Variants in SELENOT observed in about 807,000 individuals in gnomAD.
The protein encoded by SELENOT is selenoprotein T.
In SELENOT, 9 loss-of-function variants were observed where a neutral mutation model predicts 24.3. The observed-to-expected ratio is 0.37, with a 90% CI of 0.22 to 0.65. The LOEUF (loss-of-function observed/expected upper bound fraction) is 0.65, where lower values mean the gene tolerates loss of function less well. SELENOT is among the 30% of genes least tolerant of loss of function. The probability of loss-of-function intolerance (pLI) is 0.60; values close to 1 mark genes in which losing one functional copy is unlikely to be tolerated. For synonymous variants in SELENOT, 81 were observed against 86.0 expected (o/e 0.94, Z 0.32); for missense variants, 166 against 247.6 (o/e 0.67, Z 2.21).
In SELENOT at chr3:150,623,072, A is replaced by G. The variant is rs111972227; in HGVS notation, c.278A>G (p.Lys93Arg). The G allele has an allele frequency of 6.3e-7, 1 of 1,590,198 alleles. No individual in the cohort carries two copies. The highest frequency in any genetic ancestry group is 8.6e-7 in the Non-Finnish European group (1 of 1,169,570). The change falls in exon 3 of 6, where the codon AAA (lysine) becomes AGA (arginine). Residue 93 changes from lysine (K) to arginine (R), a missense_variant. By Grantham distance (26) the Lys-to-Arg change is conservative. This residue lies in a region of SELENOT where 71 missense variants were observed against 89.2 expected (regional missense o/e 0.80). Transcript: ENST00000471696. ...ATAGCATCTTTCCTGTCAGTCTTCA[A>G]ACTAGTATTAATAGGCTTAATAATT... ...RHIASFLSVF[K>R]LVLIGLIIVG... is the part of the protein sequence containing the mutation.
chr3:150,623,926 T>A (rs1726388689), intron 3 of SELENOT, among the ~76,000 whole-genome samples: 1 of 152,116 alleles, frequency 6.6e-6, no homozygotes, highest in South Asian at 2.1e-4. Context: ...GAGTCTTCTA[T>A]CTGATCTTGT....
rs532403378 is a variant in SELENOT at position 150,624,987 on chromosome 3, T to A, written c.463+88T>A. On this transcript the variant is annotated intron_variant, in intron 4 of 5. Transcript: ENST00000471696. ...TTTTATCTTTTATAATAAGATAAAC[T>A]TCTTTAGTGTTTGTATAAAAGTAAG... is the stretch of plus-strand genomic sequence containing the variant. 2.2e-5 allele frequency: 13 copies of A among 583,436 alleles called. No individual in the cohort carries two copies. The African/African-American group carries it at 2.3e-4, about 10-fold the overall frequency. The allele number at this position is 583,436 out of a possible 1,614,324, so 36.1% of individuals were successfully genotyped here.
At chr3:150,603,659 G>A in intron 1 of SELENOT, 160 bp downstream of exon 1, 1 of 802,402 alleles carries the variant, frequency 1.2e-6, no homozygotes, top group Non-Finnish European at 1.9e-6. Context: ...CGGCCCCTTA[G>A]CGCGGTCAGG....
chr3:150,620,839 A>C (rs1726326566), intron 1 of SELENOT, among the ~76,000 whole-genome samples: 6 of 152,238 alleles, frequency 3.9e-5, no homozygotes, highest in Admixed American at 3.9e-4. Flanking sequence ...GTAAAACAAA[A>C]GCAATATTAA....
Position 150,605,131 on chromosome 3 carries a change from C to T in SELENOT, c.137+1632C>T, listed in dbSNP as rs533482026. The stretch of plus-strand genomic sequence containing the variant: ...ACTGCAAATGGGAGAATGGTTTATC[C>T]ATTAACTTTTTTCCTTAATTTTTAA... On this transcript the variant is annotated intron_variant, in intron 1 of 5. Coordinates refer to ENST00000471696, the MANE Select transcript of SELENOT (RefSeq NM_016275.5). 1.8e-4 allele frequency among the ~76,000 whole-genome samples: 27 copies of T among 151,652 alleles called. No homozygotes were observed. In the South Asian group the frequency reaches 5.6e-3, roughly 32 times the overall value.
At chr3:150,626,957 T>C (rs1442957518) in intron 4 of SELENOT, 53 bp from the exon 5 acceptor site, 2 of 1,563,190 alleles carry the variant, frequency 1.3e-6, no homozygotes, top group Admixed American at 3.6e-5. Context: ...GATGAATGCA[T>C]ATTATAAAAT....
chr3:150,613,996 A>G (rs1162640638), intron 1 of SELENOT, among the ~76,000 whole-genome samples: 3 of 152,108 alleles, frequency 2.0e-5, no homozygotes. Context: ...AAGAGACAGT[A>G]CATTTTAGGT....
Position 150,628,663 on chromosome 3 carries a change from T to G in SELENOT, c.*1034T>G, listed in dbSNP as rs1481924180. ...TTTATTGTATATGATGAACAAAACT[T>G]AAAATTTTTTAAATTTAATTTTTAA... On this transcript the variant is annotated 3_prime_UTR_variant, in exon 6 of 6. Transcript: ENST00000471696. 6.6e-6 allele frequency: 1 copy of G among 152,166 alleles called. No individual in the cohort carries two copies. The highest frequency in any genetic ancestry group is 2.4e-5 in the African/African-American group (1 of 41,448). The allele number at this position is 152,166 out of a possible 1,614,324, so 9.4% of individuals were successfully genotyped here.
chr3:150,617,970 C>T (rs2108011057), intron 1 of SELENOT, among the ~76,000 whole-genome samples: 1 of 152,180 alleles, frequency 6.6e-6, no homozygotes, highest in South Asian at 2.1e-4. Flanking sequence ...GATTCTCATG[C>T]CTCAGCCTCC....
intron 1 of SELENOT, among the ~76,000 whole-genome samples, chr3:150,620,983 C>T (rs1216971767): frequency 1.3e-5 from 2 of 152,046 alleles, no homozygotes; most frequent in Non-Finnish European, 2.9e-5. Flanking sequence ...GATCTTTATA[C>T]TAATATTACA....
chr3:150,624,672 T>C (rs1726403579), intron 3 of SELENOT, 140 bp from the exon 4 acceptor site: 2 of 464,782 alleles, frequency 4.3e-6, no homozygotes, highest in Non-Finnish European at 7.7e-6. Context: ...AAATTAATAT[T>C]GGTTTACTTT....
At chr3:150,603,649 C>T in intron 1 of SELENOT, 150 bp downstream of exon 1, 3 of 960,892 alleles carry the variant, frequency 3.1e-6, no homozygotes, top group South Asian at 1.8e-5. Context: ...AGCCTTCTCG[C>T]GGCCCCTTAG....
intron 1 of SELENOT, chr3:150,603,786 T>C (rs912103318): frequency 2.2e-5 from 6 of 267,748 alleles, no homozygotes; most frequent in South Asian, 9.2e-5. Context: ...GGGGGACACC[T>C]GTTAGTACGG....
At chr3:150,622,527 A>G in intron 2 of SELENOT, 32 bp downstream of exon 2, 2 of 1,107,842 alleles carry the variant, frequency 1.8e-6, no homozygotes, top group Non-Finnish European at 1.3e-6. Context: ...AAAGGAAAAC[A>G]ATGTATTTGA....
intron 3 of SELENOT, 32 bp downstream of exon 3, chr3:150,623,201 GTTT>G: frequency 6.5e-7 from 1 of 1,529,676 alleles, no homozygotes; most frequent in East Asian, 2.4e-5. Flanking sequence ...GTAACTGTAG[GTTT>G]TTATGTTGTC....
rs550316248 is a variant in SELENOT, at chr3:150,603,356, A to G, written c.-7A>G. On this transcript the variant is annotated 5_prime_UTR_variant, in exon 1 of 6. Coordinates refer to ENST00000471696, the MANE Select transcript of SELENOT (RefSeq NM_016275.5). ...TGAGGGCGGCCGAAGTGGCTGGCTC[A>G]TTTAAGATGAGGCTTCTGCTGCTTC... is the stretch of plus-strand genomic sequence containing the variant. The G allele has an allele frequency of 2.7e-5, 43 of 1,608,980 alleles. No individual in the cohort carries two copies. Among genetic ancestry groups the G allele is most frequent in the East Asian group, 1.6e-4 (7 of 44,758 alleles).
intron 3 of SELENOT, 121 bp downstream of exon 3, chr3:150,623,290 T>G (rs1246236526): frequency 7.5e-6 from 7 of 933,504 alleles, no homozygotes; most frequent in Non-Finnish European, 1.0e-5. Context: ...TTATTTTAAT[T>G]TATACCAGTT....
At chr3:150,624,014 C>T (rs781254346) in intron 3 of SELENOT, among the ~76,000 whole-genome samples, 18 of 151,946 alleles carry the variant, frequency 1.2e-4, no homozygotes, top group Non-Finnish European at 2.7e-4. Flanking sequence ...CATTTCTTTC[C>T]AGTAACAGGC....
chr3:150,628,313 T>G lies in SELENOT; in HGVS notation c.*684T>G, dbSNP rs991982604. ...TTAAAGTGTCATGCCTTGACCAATC[T>G]AATGAATTGATTAATTAACTGGGCC... is the stretch of plus-strand genomic sequence containing the variant. On this transcript the variant is annotated 3_prime_UTR_variant, in exon 6 of 6. Coordinates refer to ENST00000471696, the MANE Select transcript of SELENOT (RefSeq NM_016275.5). The G allele has an allele frequency of 6.6e-6, 1 of 152,638 alleles. No individual in the cohort carries two copies. The highest frequency in any genetic ancestry group is 1.5e-5 in the Non-Finnish European group (1 of 68,016). 9.5% of individuals were successfully genotyped at this position (152,638 alleles called of 1,614,324 possible).
Sources: gnomAD v4.1 joint callset for allele counts (sites outside exome capture counted in the v4.1 genomes callset) on GRCh38, gnomAD v4.1.1 for gene constraint, gnomAD v4.1.1 regional missense constraint, MANE v1.5 for transcripts, NCBI Gene and HGNC (gene_info 2026-07-23, HGNC 2026-07-21) for gene names.